Variants in PDE7B observed in about 807,000 individuals in gnomAD.
PDE7B encodes the protein 3',5'-cyclic-AMP phosphodiesterase 7B.
Under a neutral mutation model 56.2 loss-of-function variants are expected in PDE7B, and 29 were observed. The ratio of observed to expected loss-of-function variants is 0.52; its 90% CI spans 0.38 to 0.70. The LOEUF (loss-of-function observed/expected upper bound fraction) is 0.70. PDE7B is among the 30% of genes least tolerant of loss of function. PDE7B has a pLI of 0.00. For synonymous variants in PDE7B, 197 were observed against 196.9 expected (o/e 1.00, Z 0.00); for missense variants, 490 against 565.0 (o/e 0.87, Z 1.35).
At chr6:136,101,191 T>A (rs1777555490) in intron 2 of PDE7B, among the ~76,000 whole-genome samples, 1 of 152,244 alleles carries the variant, frequency 6.6e-6, no homozygotes, top group South Asian at 2.1e-4. Flanking sequence ...GATTTTTGCA[T>A]CAATGTTCAT....
intron 2 of PDE7B, chr6:136,049,524 CA>C (rs1310410586): frequency 6.6e-6 from 1 of 152,086 alleles, no homozygotes; most frequent in African/African-American, 2.4e-5. Context: ...GTTACATCCT[CA>C]AAAACAAACC....
intron 8 of PDE7B, among the ~76,000 whole-genome samples, chr6:136,172,581 G>T (rs1275208581): frequency 6.6e-6 from 1 of 151,914 alleles, no homozygotes; most frequent in Non-Finnish European, 1.5e-5. Flanking sequence ...CCATTTTGTA[G>T]GTTGCCTGTT....
intron 2 of PDE7B, among the ~76,000 whole-genome samples, chr6:136,101,292 G>C (rs1777557530): frequency 1.3e-5 from 2 of 152,194 alleles, no homozygotes; most frequent in African/African-American, 2.4e-5. Flanking sequence ...ATGAGTTAGA[G>C]AGCATTTCCT....
At chr6:135,879,532 GT>G (rs202011776) in intron 1 of PDE7B, among the ~76,000 whole-genome samples, 17 of 149,320 alleles carry the variant, frequency 1.1e-4, no homozygotes, top group African/African-American at 2.0e-4. Flanking sequence ...ACAAAAAGTG[GT>G]TTTTTTTTTC....
intron 2 of PDE7B, among the ~76,000 whole-genome samples, chr6:136,068,469 C>G (rs11758310): frequency 0.45 from 60,887 of 135,482 alleles, 13,355 homozygotes; most frequent in African/African-American, 0.54. Flanking sequence ...CTCGCTCTGT[C>G]TCCCAGGCTG....
At chr6:135,959,331 G>A (rs1369287842) in intron 2 of PDE7B, among the ~76,000 whole-genome samples, 1 of 152,228 alleles carries the variant, frequency 6.6e-6, no homozygotes, top group African/African-American at 2.4e-5. Context: ...TATAAGAAAA[G>A]AGTTACTATG....
chr6:135,984,855 C>A (rs1775350674), intron 2 of PDE7B, among the ~76,000 whole-genome samples: 1 of 151,980 alleles, frequency 6.6e-6, no homozygotes, highest in Admixed American at 6.6e-5. Context: ...ACGGGAAGAG[C>A]TCAGAGCTTA....
At chr6:135,931,996 C>G (rs1249333774) in intron 1 of PDE7B, among the ~76,000 whole-genome samples, 1 of 151,766 alleles carries the variant, frequency 6.6e-6, no homozygotes, top group Admixed American at 6.6e-5. Context: ...GGTATATACA[C>G]TATTCCAAAA....
chr6:136,058,798 A>G (rs1373333457), intron 2 of PDE7B, among the ~76,000 whole-genome samples: 3 of 152,186 alleles, frequency 2.0e-5, no homozygotes, highest in East Asian at 1.9e-4. Flanking sequence ...TACCATGTCC[A>G]TTTACTAGAA....
intron 3 of PDE7B, among the ~76,000 whole-genome samples, chr6:136,123,240 T>C (rs1157688391): frequency 2.6e-5 from 4 of 152,104 alleles, no homozygotes; most frequent in Admixed American, 2.6e-4. Context: ...GTGCCTGTAG[T>C]CCTAGCTACT....
chr6:136,093,424 C>G (rs1777422756), intron 2 of PDE7B, among the ~76,000 whole-genome samples: 1 of 152,176 alleles, frequency 6.6e-6, no homozygotes, highest in African/African-American at 2.4e-5. Context: ...CACAGTCCAG[C>G]TTAATTAATT....
At chr6:136,047,886 A>G (rs1776542276) in intron 2 of PDE7B, among the ~76,000 whole-genome samples, 1 of 152,246 alleles carries the variant, frequency 6.6e-6, no homozygotes, top group South Asian at 2.1e-4. Context: ...ACTCACTGAT[A>G]TCAAGGCAGA....
At chr6:136,139,078 C>A (rs1478047648) in intron 3 of PDE7B, among the ~76,000 whole-genome samples, 1 of 152,118 alleles carries the variant, frequency 6.6e-6, no homozygotes, top group Non-Finnish European at 1.5e-5. Flanking sequence ...ATTAACTCAT[C>A]ATTTAACATT....
At chr6:136,013,068 A>T (rs973469633) in intron 2 of PDE7B, among the ~76,000 whole-genome samples, 1 of 152,218 alleles carries the variant, frequency 6.6e-6, no homozygotes, top group African/African-American at 2.4e-5. Flanking sequence ...GTTATCTTTG[A>T]TGTAACATGT....
At chr6:136,108,941 C>T (rs1735719290) in intron 3 of PDE7B, 127 bp downstream of exon 3, 3 of 688,910 alleles carry the variant, frequency 4.4e-6, no homozygotes, top group Non-Finnish European at 5.3e-6. Flanking sequence ...TCTCTTCTGC[C>T]AACTAGAACT....
intron 2 of PDE7B, among the ~76,000 whole-genome samples, chr6:135,975,857 G>A (rs1439778635): frequency 3.9e-5 from 6 of 152,134 alleles, no homozygotes; most frequent in East Asian, 3.9e-4. Flanking sequence ...GTAAATTAAC[G>A]TGGACTAGAA....
At chr6:136,022,800 C>T (rs551197770) in intron 2 of PDE7B, among the ~76,000 whole-genome samples, 2 of 152,296 alleles carry the variant, frequency 1.3e-5, no homozygotes, top group African/African-American at 4.8e-5. Context: ...AAATGGTATC[C>T]CTTCTTCCAG....
At chr6:136,078,117 ACTGACACATGGCC>A (rs1300421047) in intron 2 of PDE7B, among the ~76,000 whole-genome samples, 1 of 152,224 alleles carries the variant, frequency 6.6e-6, no homozygotes, top group African/African-American at 2.4e-5. Flanking sequence ...ACATCTTAGC[ACTGACACATGGCC>A]CTCTTCTGCA....
At chr6:136,094,963 C>T (rs1262332029) in intron 2 of PDE7B, 1 of 152,180 alleles carries the variant, frequency 6.6e-6, no homozygotes, top group East Asian at 1.9e-4. Flanking sequence ...CACACACACG[C>T]TCCACATACA....
Sources: gnomAD v4.1 joint callset for allele counts (sites outside exome capture counted in the v4.1 genomes callset) on GRCh38, gnomAD v4.1.1 for gene constraint, MANE v1.5 for transcripts, NCBI Gene and HGNC (gene_info 2026-07-23, HGNC 2026-07-21) for gene names.